The following ACTR3C variants were observed in gnomAD, a reference collection of about 807,000 sequenced individuals.
ACTR3C encodes actin related protein 3C.
A neutral mutation model predicts 26.3 loss-of-function variants in ACTR3C; 18 were observed. The ratio of observed to expected loss-of-function variants is 0.68; its 90% CI spans 0.47 to 1.01. The LOEUF (loss-of-function observed/expected upper bound fraction) is 1.01, where lower values mean the gene tolerates loss of function less well. Ranked by LOEUF, ACTR3C falls within the 50% of genes least tolerant of loss-of-function variation. The pLI is 0.00. For missense variants in ACTR3C, 184 were observed against 250.7 expected (o/e 0.73, Z 1.80); for synonymous variants, 55 against 94.5 (o/e 0.58, Z 2.42).
At chr7:150,025,655 G>T in the ACTR3C span, among the ~76,000 whole-genome samples, 2 of 152,094 alleles carry the variant, frequency 1.3e-5, no homozygotes, top group Admixed American at 1.3e-4. Flanking sequence ...GGAGGAAAAT[G>T]ATATCTGGCA....
At chr7:150,180,080 T>C in the ACTR3C span, among the ~76,000 whole-genome samples, 2 of 150,486 alleles carry the variant, frequency 1.3e-5, no homozygotes, top group African/African-American at 2.5e-5. Context: ...CCGAGGGGGG[T>C]GGATCACGAG....
the ACTR3C span, among the ~76,000 whole-genome samples, chr7:149,951,925 G>T: frequency 1.5e-4 from 23 of 150,298 alleles, no homozygotes; most frequent in East Asian, 4.1e-3. Flanking sequence ...CCATAACTGG[G>T]AGTCTTAACA....
chr7:150,275,568 A>G (rs1159720537), intron 6 of ACTR3C, among the ~76,000 whole-genome samples: 1 of 152,098 alleles, frequency 6.6e-6, no homozygotes, highest in Non-Finnish European at 1.5e-5. Context: ...AAAATCAGCC[A>G]GGCGTGGTGG....
At chr7:150,054,777 G>A in the ACTR3C span, among the ~76,000 whole-genome samples, 331 of 152,280 alleles carry the variant, frequency 2.2e-3, 1 homozygote, top group African/African-American at 7.5e-3. Context: ...CTTCTTGTAG[G>A]CATTTCACTT....
the ACTR3C span, among the ~76,000 whole-genome samples, chr7:150,006,486 C>T: frequency 6.7e-6 from 1 of 149,498 alleles, no homozygotes; most frequent in Non-Finnish European, 1.5e-5. Flanking sequence ...CATGAGCCAC[C>T]GCAAACGGCC....
At chr7:150,322,127 A>G (rs1797583952) in intron 1 of ACTR3C, among the ~76,000 whole-genome samples, 1 of 152,216 alleles carries the variant, frequency 6.6e-6, no homozygotes, top group Non-Finnish European at 1.5e-5. Context: ...GTGGCAGAGC[A>G]CCAGAGTGGA....
chr7:150,090,707 A>C, the ACTR3C span, among the ~76,000 whole-genome samples: 9 of 148,432 alleles, frequency 6.1e-5, no homozygotes, highest in South Asian at 2.3e-4. Flanking sequence ...TAGGCAAATA[A>C]ATTTTGCTAA....
Position 150,309,699 on chromosome 7 carries a change from G to A in ACTR3C, c.-52+13770C>T, listed in dbSNP as rs1032344779. On this transcript the variant is annotated intron_variant, in intron 1 of 7. Coordinates refer to ENST00000683684, the MANE Select transcript of ACTR3C (RefSeq NM_001164458.2). ...ATTCTTCCTAAGCCGTGTCCCACCT[G>A]TGCGGGACCCCACTGGAAATCGGAC... Among the ~76,000 whole-genome samples the A allele has an allele frequency of 7.2e-5, 11 of 152,164 alleles. 1 individual carries two copies. Among genetic ancestry groups the A allele is most frequent in the Admixed American group, 5.2e-4 (8 of 15,274 alleles).
chr7:149,995,144 T>C, the ACTR3C span, among the ~76,000 whole-genome samples: 2 of 152,264 alleles, frequency 1.3e-5, no homozygotes, highest in Admixed American at 6.5e-5. Flanking sequence ...CATGAGCCAC[T>C]GCGCCCAGCC....
chr7:149,892,233 T>C, the ACTR3C span: 24 of 1,421,924 alleles, frequency 1.7e-5, no homozygotes, highest in Non-Finnish European at 2.2e-5. Flanking sequence ...CTCATCCTAC[T>C]GCTCTACACT....
chr7:150,196,723 G>A, the ACTR3C span, among the ~76,000 whole-genome samples: 2 of 151,822 alleles, frequency 1.3e-5, no homozygotes, highest in Non-Finnish European at 2.9e-5. Context: ...TTCTTTGGAA[G>A]TTTGTTTTAA....
chr7:150,026,581 C>T, the ACTR3C span, among the ~76,000 whole-genome samples: 1 of 152,104 alleles, frequency 6.6e-6, no homozygotes, highest in Admixed American at 6.5e-5. Flanking sequence ...GTTTCCCATA[C>T]CTTCAATTAA....
At chr7:150,164,099 T>A in the ACTR3C span, among the ~76,000 whole-genome samples, 18 of 151,906 alleles carry the variant, frequency 1.2e-4, no homozygotes, top group African/African-American at 4.1e-4. Context: ...ACCAAGCCAG[T>A]GTGGAGAAGG....
chr7:150,143,498 G>T, the ACTR3C span, among the ~76,000 whole-genome samples: 3 of 152,038 alleles, frequency 2.0e-5, no homozygotes, highest in African/African-American at 7.2e-5. Flanking sequence ...CAGATTCAAC[G>T]ACTGTAAATA....
chr7:150,089,734 A>C, the ACTR3C span, among the ~76,000 whole-genome samples: 1 of 152,254 alleles, frequency 6.6e-6, no homozygotes, highest in Non-Finnish European at 1.5e-5. Context: ...ATTTCTGATC[A>C]GGATGGGGGC....
intron 1 of ACTR3C, among the ~76,000 whole-genome samples, chr7:150,322,315 A>G (rs568519014): frequency 4.6e-5 from 7 of 152,382 alleles, no homozygotes; most frequent in South Asian, 2.1e-4. Context: ...AGGATGAGAC[A>G]GAAGGTTGGC....
the ACTR3C span, among the ~76,000 whole-genome samples, chr7:150,123,130 T>C: frequency 6.6e-6 from 1 of 151,764 alleles, no homozygotes; most frequent in African/African-American, 2.4e-5. Context: ...AAATACCTAA[T>C]GTAGATGACG....
chr7:150,035,644 A>T, the ACTR3C span, among the ~76,000 whole-genome samples: 3 of 135,322 alleles, frequency 2.2e-5, no homozygotes, highest in South Asian at 7.0e-4. Flanking sequence ...CTACTTGGAC[A>T]ACTAACACTC....
chr7:149,916,392 AT>A, the ACTR3C span, among the ~76,000 whole-genome samples: 7 of 147,226 alleles, frequency 4.8e-5, no homozygotes, highest in Non-Finnish European at 7.5e-5. Context: ...TACATTGCTA[AT>A]TTTTCCCAGC....
Sources: allele counts gnomAD v4.1 joint callset (sites outside exome capture counted in the v4.1 genomes callset), GRCh38; gene constraint gnomAD v4.1.1; transcripts MANE v1.5; gene names NCBI Gene and HGNC (gene_info 2026-07-23, HGNC 2026-07-21).